GFPT2: variants seen among roughly 807,000 people sequenced by gnomAD.
GFPT2 encodes the protein glutamine--fructose-6-phosphate transaminase 2, also known as glutamine--fructose-6-phosphate aminotransferase [isomerizing] 2.
In GFPT2, 62 loss-of-function variants were observed where a neutral mutation model predicts 85.6. That is an observed-to-expected ratio of 0.72 (90% CI 0.59 to 0.90). GFPT2 has a LOEUF of 0.90. GFPT2 is among the 40% of genes least tolerant of loss of function. The pLI, the probability that GFPT2 is intolerant of heterozygous loss-of-function variation, is 0.00. For synonymous variants in GFPT2, 368 were observed against 344.5 expected (o/e 1.07, Z -0.75); for missense variants, 788 against 893.4 (o/e 0.88, Z 1.50).
intron 9 of GFPT2, 115 bp downstream of exon 9, chr5:180,324,073 C>T (rs544561334): frequency 1.7e-5 from 12 of 709,916 alleles, no homozygotes; most frequent in Middle Eastern, 2.6e-4. Context: ...TTTGGCCCTG[C>T]GACTTGCTGA....
chr5:180,341,651 C>T (rs886703858), intron 1 of GFPT2, among the ~76,000 whole-genome samples: 1 of 151,814 alleles, frequency 6.6e-6, no homozygotes, highest in Non-Finnish European at 1.5e-5. Flanking sequence ...CAGTTACAGG[C>T]GTTTTCCTTT....
intron 15 of GFPT2, among the ~76,000 whole-genome samples, chr5:180,309,389 G>GA (rs1243942572): frequency 6.6e-6 from 1 of 152,202 alleles, no homozygotes; most frequent in Non-Finnish European, 1.5e-5. Context: ...CTTCTCTTGA[G>GA]ACAAGCATCA....
Position 180,353,255 on chromosome 5 carries a change from G to A in GFPT2, c.-38C>T, listed in dbSNP as rs1451960166. The A allele has an allele frequency of 4.0e-6, 5 of 1,240,620 alleles. No homozygotes were observed. The highest frequency in any genetic ancestry group is 4.2e-5 in the Admixed American group (1 of 23,764). 76.9% of individuals were successfully genotyped at this position (1,240,620 alleles called of 1,614,324 possible). On this transcript the variant is annotated 5_prime_UTR_variant, in exon 1 of 19. Coordinates refer to ENST00000253778, the MANE Select transcript of GFPT2 (RefSeq NM_005110.4). ...TCGGGCTCCTTCGCGGCTCGAGGGG[G>A]TCTGCCCGTTCGGACGCTGGGGCTC...
rs892650474 is a variant in GFPT2 at position 180,318,566 on chromosome 5, A to G, written c.958+227T>C. ...ACACACTGGGCTCAGTTCCAGTAGG[A>G]AAGACCTGGCGGCTGGCTGCACACA... is the stretch of plus-strand genomic sequence containing the variant. On this transcript the variant is annotated intron_variant, in intron 10 of 18. Coordinates refer to ENST00000253778, the MANE Select transcript of GFPT2 (RefSeq NM_005110.4). The surrounding 1 kb of genome is among the most constrained non-coding windows in gnomAD (Gnocchi z 4.2). 2 of 544,200 alleles carry G rather than the reference A, an allele frequency of 3.7e-6. No individual in the cohort carries two copies. The highest frequency in any genetic ancestry group is 1.9e-5 in the African/African-American group (1 of 52,822). 33.7% of individuals were successfully genotyped at this position (544,200 alleles called of 1,614,324 possible). A position where few individuals can be genotyped will look rare whatever the true frequency, so the allele number is the denominator to read the frequency against.
At chr5:180,338,638 C>G in intron 1 of GFPT2, 38 bp from the exon 2 acceptor site, 2 of 1,257,906 alleles carry the variant, frequency 1.6e-6, no homozygotes, top group Non-Finnish European at 2.3e-6. Flanking sequence ...TCATAAAATA[C>G]TCAGCTCGTG....
rs926995521 is a variant in GFPT2, at chr5:180,301,407, A to G, written c.*157T>C. ...AGAGAAACAGTATCTGCTGTAAGCA[A>G]AAGCACTTGGGTAGAAGGCACGTGG... On this transcript the variant is annotated 3_prime_UTR_variant, in exon 19 of 19. Coordinates refer to ENST00000253778, the MANE Select transcript of GFPT2 (RefSeq NM_005110.4). 4.3e-6 allele frequency: 3 copies of G among 691,576 alleles called. No homozygotes were observed. The African/African-American group carries it at 5.3e-5, about 12-fold the overall frequency. The allele number at this position is 691,576 out of a possible 1,614,324, so 42.8% of individuals were successfully genotyped here.
chr5:180,313,984 T>A lies in GFPT2; in HGVS notation c.1274-20A>T. 1 of 1,580,024 alleles carries A rather than the reference T, an allele frequency of 6.3e-7. No individual in the cohort carries two copies. The highest frequency in any genetic ancestry group is 8.6e-7 in the Non-Finnish European group (1 of 1,169,576). On this transcript the variant is annotated intron_variant, in intron 13 of 18. Transcript: ENST00000253778. ...TCTCGCCTGCCGCCCAGGGGCCCTC[T>A]CAGTGCCGCGCTCCGCCAGCCTCGG... is the stretch of plus-strand genomic sequence containing the variant.
chr5:180,351,432 C>G (rs1458935982), intron 1 of GFPT2, among the ~76,000 whole-genome samples: 3 of 151,498 alleles, frequency 2.0e-5, no homozygotes, highest in Non-Finnish European at 2.9e-5. Context: ...CCACCCTGCC[C>G]CCAGCCCCAA....
intron 9 of GFPT2, among the ~76,000 whole-genome samples, chr5:180,321,671 A>G (rs1293222367): frequency 6.6e-6 from 1 of 152,236 alleles, no homozygotes; most frequent in East Asian, 1.9e-4. Flanking sequence ...TTCCTTTCTC[A>G]GCATGTGTTG....
At chr5:180,329,424 T>A (rs1240888752) in intron 6 of GFPT2, among the ~76,000 whole-genome samples, 1 of 152,204 alleles carries the variant, frequency 6.6e-6, no homozygotes, top group Non-Finnish European at 1.5e-5. Flanking sequence ...GTAGGAAAAG[T>A]CTTAAGTTTA....
chr5:180,306,453 G>A (rs1330392405), intron 16 of GFPT2, among the ~76,000 whole-genome samples: 3 of 152,248 alleles, frequency 2.0e-5, no homozygotes, highest in Non-Finnish European at 4.4e-5. Context: ...TGACAGCGAG[G>A]AAAGGGCAAG....
At chr5:180,313,719 C>T (rs1022604725) in intron 14 of GFPT2, 88 bp downstream of exon 14, 4 of 1,156,582 alleles carry the variant, frequency 3.5e-6, no homozygotes, top group South Asian at 3.2e-5. Context: ...GGCGGTGGCG[C>T]GGGCAGAGCA....
At chr5:180,311,536 C>T (rs1438883665) in intron 15 of GFPT2, among the ~76,000 whole-genome samples, 3 of 152,312 alleles carry the variant, frequency 2.0e-5, no homozygotes, top group African/African-American at 4.8e-5. Flanking sequence ...TGCCAAGGAG[C>T]GCCTGGCATA....
chr5:180,336,525 C>T lies in GFPT2; in HGVS notation c.168G>A (p.Leu56=). The T allele has an allele frequency of 1.2e-6, 2 of 1,612,002 alleles. No individual in the cohort carries two copies. The highest frequency in any genetic ancestry group is 1.7e-5 in the Admixed American group (1 of 60,018). ...NHEVKERHIQ[L]VKKRGKVKAL... ...CCTTGACTTTCCCCCTTTTCTTGAC[C>T]AGCTGAATGTGTCTTTCTTTGACTT... The change falls in exon 3 of 19, where the codon CTG becomes CTA. Residue 56 remains leucine, a synonymous_variant. Coordinates refer to ENST00000253778, the MANE Select transcript of GFPT2 (RefSeq NM_005110.4).
intron 3 of GFPT2, 88 bp downstream of exon 3, chr5:180,336,391 A>C (rs193296095): frequency 4.5e-5 from 36 of 805,914 alleles, no homozygotes; most frequent in Non-Finnish European, 7.6e-5. Flanking sequence ...ACAAAGGAGA[A>C]TCTCCATTCT....
In GFPT2 at chr5:180,323,553, T is replaced by C. The variant is rs943481221; in HGVS notation, c.794+635A>G. Among the ~76,000 whole-genome samples the C allele has an allele frequency of 6.6e-6, 1 of 152,104 alleles. No individual in the cohort carries two copies. Among genetic ancestry groups the C allele is most frequent in the Non-Finnish European group, 1.5e-5 (1 of 68,008 alleles). On this transcript the variant is annotated intron_variant, in intron 9 of 18. Coordinates refer to ENST00000253778, the MANE Select transcript of GFPT2 (RefSeq NM_005110.4). This position sits in a 1 kb window ranked among gnomAD's most constrained non-coding sequence, Gnocchi z 4.0. ...CTCTCTCCCTCTCTCTCTCTCTGTG[T>C]GTGTGTGAGTGTGTGTATAACTTTT...
At chr5:180,340,763 C>T (rs1764499963) in intron 1 of GFPT2, among the ~76,000 whole-genome samples, 1 of 151,942 alleles carries the variant, frequency 6.6e-6, no homozygotes, top group African/African-American at 2.4e-5. Context: ...ATCTGCCCAC[C>T]TCCGCCTCCC....
At chr5:180,336,419 CG>C (rs1195187705) in intron 3 of GFPT2, 59 bp downstream of exon 3, 5 of 893,654 alleles carry the variant, frequency 5.6e-6, no homozygotes, top group Non-Finnish European at 9.6e-6. Context: ...TGTTGGAATA[CG>C]GTCCTAGAAA....
At chr5:180,304,650 T>G (rs1581365359) in intron 17 of GFPT2, 122 bp downstream of exon 17, 1 of 889,024 alleles carries the variant, frequency 1.1e-6, no homozygotes, top group Non-Finnish European at 1.8e-6. Context: ...CGGGGGAGGG[T>G]GTGTGGTCAC....
Sources: allele counts gnomAD v4.1 joint callset (sites outside exome capture counted in the v4.1 genomes callset), GRCh38; gene constraint gnomAD v4.1.1; non-coding constraint Gnocchi (gnomAD v3.1); transcripts MANE v1.5; gene names NCBI Gene and HGNC (gene_info 2026-07-23, HGNC 2026-07-21).